CYP46A1: variants seen among roughly 807,000 people sequenced by gnomAD.
CYP46A1 encodes cholesterol 24-hydroxylase.
CYP46A1 carries 20 observed loss-of-function variants against 63.3 expected under a neutral mutation model. That is an observed-to-expected ratio of 0.32 (90% CI 0.22 to 0.46). The LOEUF is 0.46. CYP46A1 is among the 20% of genes least tolerant of loss of function. The pLI, the probability that CYP46A1 is intolerant of heterozygous loss-of-function variation, is 1.00. For synonymous variants in CYP46A1, 268 were observed against 273.6 expected (o/e 0.98, Z 0.20); for missense variants, 445 against 670.8 (o/e 0.66, Z 3.72).
At chr14:99,720,361 G>C (rs1018677861) in intron 10 of CYP46A1, among the ~76,000 whole-genome samples, 1 of 151,970 alleles carries the variant, frequency 6.6e-6, no homozygotes, top group African/African-American at 2.4e-5. Flanking sequence ...CCAGCAGTGC[G>C]CAAGGGTTCT....
At chr14:99,726,520 T>G (rs2056900217) in intron 14 of CYP46A1, 37 bp from the exon 15 acceptor site, 1 of 1,515,048 alleles carries the variant, frequency 6.6e-7, no homozygotes, top group African/African-American at 1.4e-5. Context: ...CTGTCTTTGC[T>G]CCTTCATTCC....
At chr14:99,686,926 G>A (rs1344831457) in intron 1 of CYP46A1, among the ~76,000 whole-genome samples, 1 of 152,178 alleles carries the variant, frequency 6.6e-6, no homozygotes, top group African/African-American at 2.4e-5. Context: ...GCAGAAACCC[G>A]ATGCCTTGAC....
intron 1 of CYP46A1, among the ~76,000 whole-genome samples, chr14:99,690,196 C>A (rs1286417803): frequency 3.3e-5 from 5 of 152,214 alleles, no homozygotes; most frequent in Admixed American, 3.3e-4. Flanking sequence ...CCTGAGGTTG[C>A]AATTTTTTGA....
intron 14 of CYP46A1, 114 bp from the exon 15 acceptor site, chr14:99,726,443 C>T: frequency 8.3e-7 from 1 of 1,207,276 alleles, no homozygotes; most frequent in Non-Finnish European, 1.1e-6. Context: ...GGAGGCTCCC[C>T]AGGCTCTCAC....
intron 10 of CYP46A1, among the ~76,000 whole-genome samples, chr14:99,719,515 C>G (rs1327453759): frequency 6.6e-6 from 1 of 152,022 alleles, no homozygotes; most frequent in Non-Finnish European, 1.5e-5. Flanking sequence ...AGCCACTGCT[C>G]CTGGCCTCCG....
chr14:99,687,788 C>G (rs1452997203), intron 1 of CYP46A1, among the ~76,000 whole-genome samples: 1 of 152,164 alleles, frequency 6.6e-6, no homozygotes, highest in African/African-American at 2.4e-5. Flanking sequence ...TGCCTCTCCT[C>G]TCTCCCAGGG....
chr14:99,691,298 TGAGTGGAGG>T, intron 2 of CYP46A1, 137 bp downstream of exon 2: 1 of 827,218 alleles, frequency 1.2e-6, no homozygotes, highest in Non-Finnish European at 2.0e-6. Flanking sequence ...GTTCCTCCCC[TGAGTGGAGG>T]CAGGTGAGGC....
intron 3 of CYP46A1, among the ~76,000 whole-genome samples, chr14:99,694,032 C>T (rs967446857): frequency 9.2e-5 from 14 of 152,124 alleles, no homozygotes; most frequent in South Asian, 2.1e-4. Flanking sequence ...CTTCTGTCTC[C>T]GTGAATTGGA....
rs371199499 is a variant in CYP46A1 at position 99,707,696 on chromosome 14, C to G, written c.693+18C>G. Reference sequence around the variant, plus strand: ...TGGCAAAGGTACTGCCTCAGCACCCCCTCTGGTGACCAGCCACCAGAGCTG... The same window carrying G: ...TGGCAAAGGTACTGCCTCAGCACCCGCTCTGGTGACCAGCCACCAGAGCTG... On this transcript the variant is annotated intron_variant, in intron 7 of 14. Transcript: ENST00000261835. The G allele has an allele frequency of 6.5e-5, 105 of 1,606,758 alleles. No individual in the cohort carries two copies. Among genetic ancestry groups the G allele is most frequent in the Admixed American group, 2.0e-4 (12 of 59,982 alleles).
intron 4 of CYP46A1, 63 bp downstream of exon 4, chr14:99,699,602 C>T (rs1199307922): frequency 1.3e-6 from 2 of 1,537,684 alleles, no homozygotes; most frequent in African/African-American, 2.7e-5. Flanking sequence ...GAGTGAGGGC[C>T]AGTGCGGTCC....
chr14:99,726,309 C>G, intron 14 of CYP46A1, 53 bp downstream of exon 14: 2 of 1,576,766 alleles, frequency 1.3e-6, no homozygotes, highest in Admixed American at 3.4e-5. Flanking sequence ...GGGGTGGGGG[C>G]TCATCCTGAG....
intron 2 of CYP46A1, 200 bp downstream of exon 2, chr14:99,691,361 T>C (rs1023228834): frequency 9.8e-6 from 6 of 611,190 alleles, no homozygotes; most frequent in Non-Finnish European, 1.8e-5. Context: ...TGCAGGACCT[T>C]AGACCAGCCG....
In CYP46A1 at chr14:99,727,166, C is replaced by T. The variant is rs1206691762; in HGVS notation, c.*439C>T. On this transcript the variant is annotated 3_prime_UTR_variant, in exon 15 of 15. Transcript: ENST00000261835. ...CTGACCACACTGTATCGTGAGTGTC[C>T]GTTGACGTGACCAATTGCCCTGCCA... 4.7e-5 allele frequency: 8 copies of T among 168,606 alleles called. No homozygotes were observed. The highest frequency in any genetic ancestry group is 3.2e-4 in the Admixed American group (5 of 15,686). 10.4% of individuals were successfully genotyped at this position (168,606 alleles called of 1,614,324 possible).
Position 99,725,114 on chromosome 14 carries a change from A to T in CYP46A1, c.1177-277A>T, listed in dbSNP as rs1344877220. 6.6e-6 allele frequency among the ~76,000 whole-genome samples: 1 copy of T among 152,146 alleles called. No individual in the cohort carries two copies. The highest frequency in any genetic ancestry group is 1.5e-5 in the Non-Finnish European group (1 of 68,008). ...TCTGGGTCTCAGTTTCCTCATCTGTAAAATGGGGACAATGACGGCTCCCCT... is the reference window on the plus strand; with the variant it reads ...TCTGGGTCTCAGTTTCCTCATCTGTTAAATGGGGACAATGACGGCTCCCCT... On this transcript the variant is annotated intron_variant, in intron 12 of 14. Transcript: ENST00000261835. This position sits in a 1 kb window ranked among gnomAD's most constrained non-coding sequence, Gnocchi z 4.2.
chr14:99,721,852 C>A, intron 11 of CYP46A1, 104 bp from the exon 12 acceptor site: 1 of 871,024 alleles, frequency 1.1e-6, no homozygotes, highest in Non-Finnish European at 1.9e-6. Flanking sequence ...GGTATGCACT[C>A]AGCCTGTGGG....
At chr14:99,719,408 G>T in intron 10 of CYP46A1, among the ~76,000 whole-genome samples, 1 of 141,542 alleles carries the variant, frequency 7.1e-6, no homozygotes, top group African/African-American at 3.1e-5. Context: ...TTTTAGTAGA[G>T]ACGGGGTTTT....
At chr14:99,704,021 G>T (rs1201665564) in intron 5 of CYP46A1, among the ~76,000 whole-genome samples, 2 of 152,212 alleles carry the variant, frequency 1.3e-5, no homozygotes, top group Admixed American at 6.5e-5. Context: ...CTAACCAGAT[G>T]ATGGCCCACA....
chr14:99,700,280 A>T (rs990023749), intron 5 of CYP46A1, among the ~76,000 whole-genome samples, 179 bp downstream of exon 5: 19 of 151,714 alleles, frequency 1.3e-4, no homozygotes, highest in African/African-American at 2.2e-4. Flanking sequence ...AGAGAGAGAG[A>T]CAGGCTGACC....
intron 11 of CYP46A1, 36 bp from the exon 12 acceptor site, chr14:99,721,920 G>A (rs763875159): frequency 5.1e-6 from 8 of 1,564,602 alleles, no homozygotes; most frequent in South Asian, 3.3e-5. Context: ...GGCCTCTCCC[G>A]ACTCTCCTTG....
Sources: gnomAD v4.1 joint callset for allele counts (sites outside exome capture counted in the v4.1 genomes callset) on GRCh38, gnomAD v4.1.1 for gene constraint, Gnocchi (gnomAD v3.1) non-coding constraint, MANE v1.5 for transcripts, NCBI Gene and HGNC (gene_info 2026-07-23, HGNC 2026-07-21) for gene names.